SOCS5: variants seen among roughly 807,000 people sequenced by gnomAD.
SOCS5 encodes suppressor of cytokine signaling 5, also known as CIS-6.
A neutral mutation model predicts 42.8 loss-of-function variants in SOCS5; 32 were observed. The observed-to-expected ratio is 0.75, with a 90% CI of 0.56 to 1.01. The LOEUF (loss-of-function observed/expected upper bound fraction) is 1.01. SOCS5 is among the 50% of genes least tolerant of loss of function. The pLI, the probability that SOCS5 is intolerant of heterozygous loss-of-function variation, is 0.00. For missense variants in SOCS5, 627 were observed against 653.0 expected (o/e 0.96, Z 0.43); for synonymous variants, 283 against 229.6 (o/e 1.23, Z -2.10).
chr2:46,737,650 C>G (rs1673282490), intron 1 of SOCS5, among the ~76,000 whole-genome samples: 1 of 152,096 alleles, frequency 6.6e-6, no homozygotes, highest in African/African-American at 2.4e-5. Flanking sequence ...TCAGATAATT[C>G]ATGCATTTAC....
intron 1 of SOCS5, among the ~76,000 whole-genome samples, chr2:46,707,280 G>T (rs142413235): frequency 6.6e-6 from 1 of 152,132 alleles, no homozygotes; most frequent in Admixed American, 6.5e-5. Context: ...TAGTTGAAAC[G>T]TTTTAATCAT....
At chr2:46,756,331 G>T (rs1195147144) in intron 1 of SOCS5, among the ~76,000 whole-genome samples, 1 of 152,172 alleles carries the variant, frequency 6.6e-6, no homozygotes, top group Non-Finnish European at 1.5e-5. Context: ...GTGGATTAGG[G>T]TCAGTAAACT....
chr2:46,732,134 G>A (rs1414326427), intron 1 of SOCS5, among the ~76,000 whole-genome samples: 1 of 152,158 alleles, frequency 6.6e-6, no homozygotes, highest in Non-Finnish European at 1.5e-5. Context: ...AGTGTTAAAT[G>A]GCACATAAGA....
rs779177821 is a variant in SOCS5 at position 46,758,754 on chromosome 2, C to G, written c.224C>G (p.Ser75Cys). 1 of 1,614,036 alleles carries G rather than the reference C, an allele frequency of 6.2e-7. No individual in the cohort carries two copies. Among genetic ancestry groups the G allele is most frequent in the Non-Finnish European group, 8.5e-7 (1 of 1,180,010 alleles). ...LQLGLSPSKN[S>C]SRRNQNCATE... ...CTGGGATTAAGCCCTTCGAAGAATTCTTCAAGGAGAAATCAAAATTGTGCC... is the reference window on the plus strand; with the variant it reads ...CTGGGATTAAGCCCTTCGAAGAATTGTTCAAGGAGAAATCAAAATTGTGCC... Residue 75 changes from serine (S) to cysteine (C), a missense_variant, in exon 2 of 2, where the codon TCT becomes TGT. By Grantham distance (112) the Ser-to-Cys change is moderately radical (BLOSUM62 -1). Around this residue, in one of 3 missense-constraint regions of SOCS5, gnomAD observed 278 missense variants for 246.3 expected, o/e 1.13. Transcript: ENST00000394861.
chr2:46,726,598 C>T (rs1672996095), intron 1 of SOCS5, among the ~76,000 whole-genome samples: 2 of 152,058 alleles, frequency 1.3e-5, no homozygotes, highest in Non-Finnish European at 2.9e-5. Context: ...GCTCTCTGTT[C>T]ACTATTTTTC....
At chr2:46,702,282 T>A (rs909172183) in intron 1 of SOCS5, among the ~76,000 whole-genome samples, 12 of 152,146 alleles carry the variant, frequency 7.9e-5, no homozygotes, top group Non-Finnish European at 1.8e-4. Flanking sequence ...CCTAGAAAAA[T>A]GCACGATCAA....
chr2:46,718,164 CTT>C (rs1672792078), intron 1 of SOCS5, among the ~76,000 whole-genome samples: 1 of 151,982 alleles, frequency 6.6e-6, no homozygotes, highest in African/African-American at 2.4e-5. Flanking sequence ...ATTTGTGAGT[CTT>C]TGTTTCTCTT....
intron 1 of SOCS5, among the ~76,000 whole-genome samples, chr2:46,715,671 A>G (rs1672722433): frequency 6.6e-6 from 1 of 152,110 alleles, no homozygotes; most frequent in Non-Finnish European, 1.5e-5. Flanking sequence ...GTTTGTTGTA[A>G]TTCTTGTATT....
intron 1 of SOCS5, among the ~76,000 whole-genome samples, chr2:46,755,728 G>A (rs1418244363): frequency 3.9e-5 from 6 of 152,194 alleles, no homozygotes; most frequent in South Asian, 4.1e-4. Context: ...TAGTAGAGTT[G>A]TAATTTAGAT....
chr2:46,700,058 C>T (rs888938852), intron 1 of SOCS5, among the ~76,000 whole-genome samples: 7 of 152,160 alleles, frequency 4.6e-5, no homozygotes, highest in African/African-American at 1.7e-4. Flanking sequence ...GACCCCTCTG[C>T]AACTACTTGG....
Position 46,761,867 on chromosome 2 carries a change from C to T in SOCS5, c.*1726C>T, listed in dbSNP as rs1032103459. On this transcript the variant is annotated 3_prime_UTR_variant, in exon 2 of 2. Coordinates refer to ENST00000394861, the MANE Select transcript of SOCS5 (RefSeq NM_144949.3). ...AGTTTAGGTTATAACAGAAAACTGA[C>T]AGAGAAGTAATAAACCTATTGATTT... The T allele has an allele frequency of 3.6e-5, 6 of 166,892 alleles. No individual in the cohort carries two copies. The highest frequency in any genetic ancestry group is 2.6e-4 in the Admixed American group (4 of 15,300). The allele number at this position is 166,892 out of a possible 1,614,324, so 10.3% of individuals were successfully genotyped here.
At chr2:46,735,191 G>C (rs1356232560) in intron 1 of SOCS5, among the ~76,000 whole-genome samples, 1 of 152,186 alleles carries the variant, frequency 6.6e-6, no homozygotes, top group African/African-American at 2.4e-5. Flanking sequence ...GCAGTGTAGG[G>C]CTAAAATGAC....
chr2:46,707,851 C>G (rs1257097554), intron 1 of SOCS5, among the ~76,000 whole-genome samples: 2 of 152,194 alleles, frequency 1.3e-5, no homozygotes, highest in Admixed American at 1.3e-4. Context: ...ATTTAATATG[C>G]CTAACCTACC....
chr2:46,738,555 A>T (rs937888588), intron 1 of SOCS5, among the ~76,000 whole-genome samples: 1 of 152,214 alleles, frequency 6.6e-6, no homozygotes, highest in Non-Finnish European at 1.5e-5. Flanking sequence ...GAATAGCCAG[A>T]TTGGGACAGA....
Position 46,759,845 on chromosome 2 carries a change from T to A in SOCS5, c.1315T>A (p.Phe439Ile). ...RIEQWNHNFS[F>I]DAHDPCVFHS... ...TGAGCAGTGGAATCACAACTTTAGT[T>A]TCGACGCCCATGACCCGTGTGTATT... Residue 439 changes from phenylalanine to isoleucine, a missense_variant, in exon 2 of 2, where the codon TTC becomes ATC. By Grantham distance (21) the Phe-to-Ile change is conservative. Coordinates refer to ENST00000394861, the MANE Select transcript of SOCS5 (RefSeq NM_144949.3). 6.2e-7 allele frequency: 1 copy of A among 1,614,214 alleles called. No individual in the cohort carries two copies. The highest frequency in any genetic ancestry group is 8.5e-7 in the Non-Finnish European group (1 of 1,180,030).
chr2:46,726,982 C>T (rs1247806099), intron 1 of SOCS5, among the ~76,000 whole-genome samples: 1 of 151,786 alleles, frequency 6.6e-6, no homozygotes, highest in Non-Finnish European at 1.5e-5. Flanking sequence ...TCTCGAACTC[C>T]CGATCTCAGG....
In SOCS5 at chr2:46,758,725, A is replaced by G. The variant is rs750290648; in HGVS notation, c.195A>G (p.Leu65=). ...GTCCCTTAAGAGAAAATATTGCCTT[A>G]CAACTGGGATTAAGCCCTTCGAAGA... The part of the protein sequence containing the change: ...QSSPLRENIA[L]QLGLSPSKNS... Residue 65 remains leucine, a synonymous_variant, in exon 2 of 2, where the codon TTA becomes TTG. Coordinates refer to ENST00000394861, the MANE Select transcript of SOCS5 (RefSeq NM_144949.3). The G allele has an allele frequency of 1.2e-6, 2 of 1,614,160 alleles. No individual in the cohort carries two copies. The highest frequency in any genetic ancestry group is 1.7e-6 in the Non-Finnish European group (2 of 1,179,990).
intron 1 of SOCS5, among the ~76,000 whole-genome samples, chr2:46,708,791 T>C (rs1435867704): frequency 6.6e-6 from 1 of 152,002 alleles, no homozygotes; most frequent in Admixed American, 6.6e-5. Flanking sequence ...TGCACTTCCT[T>C]ATCCCTCAAC....
intron 1 of SOCS5, among the ~76,000 whole-genome samples, chr2:46,717,801 A>G (rs1398871277): frequency 1.3e-5 from 2 of 152,138 alleles, no homozygotes; most frequent in African/African-American, 4.8e-5. Flanking sequence ...ACTCTAGCTT[A>G]GCTGCTAGGA....
Sources: allele counts gnomAD v4.1 joint callset (sites outside exome capture counted in the v4.1 genomes callset), GRCh38; gene constraint gnomAD v4.1.1; regional missense constraint gnomAD v4.1.1; transcripts MANE v1.5; gene names NCBI Gene and HGNC (gene_info 2026-07-23, HGNC 2026-07-21).